CEP63: variants seen among roughly 807,000 people sequenced by gnomAD.
The protein encoded by CEP63 is centrosomal protein 63, also known as centrosomal protein of 63 kDa.
Under a neutral mutation model 89.1 loss-of-function variants are expected in CEP63, and 84 were observed. The observed-to-expected ratio is 0.94, with a 90% CI of 0.79 to 1.13. The LOEUF (loss-of-function observed/expected upper bound fraction) is 1.13. Ranked by LOEUF, CEP63 falls within the 50% of genes most tolerant of loss-of-function variation. CEP63 has a pLI of 0.00. For synonymous variants in CEP63, 267 were observed against 272.5 expected, an observed-to-expected ratio of 0.98 and a Z score of 0.20; for missense variants, 838 against 813.3, an observed-to-expected ratio of 1.03 and a Z score of -0.37.
the CEP63 span, among the ~76,000 whole-genome samples, chr3:134,648,345 T>C: frequency 6.6e-6 from 1 of 152,168 alleles, no homozygotes; most frequent in African/African-American, 2.4e-5. Context: ...CCTTCTTTTC[T>C]GCAGAGCCCC....
chr3:134,769,782 C>G, the CEP63 span, among the ~76,000 whole-genome samples: 103 of 152,310 alleles, frequency 6.8e-4, no homozygotes, highest in Non-Finnish European at 1.3e-3. Flanking sequence ...CATCTTACCT[C>G]TAAGCCCTAT....
chr3:134,572,080 C>T (rs555462936), intron 11 of CEP63, among the ~76,000 whole-genome samples: 1 of 152,230 alleles, frequency 6.6e-6, no homozygotes, highest in South Asian at 2.1e-4. Flanking sequence ...TAAATTGTAT[C>T]CTTGGATCCT....
At chr3:134,519,809 T>G (rs1049268168) in intron 3 of CEP63, among the ~76,000 whole-genome samples, 2 of 152,174 alleles carry the variant, frequency 1.3e-5, no homozygotes, top group Non-Finnish European at 2.9e-5. Context: ...ATTCATCATA[T>G]TATCAGAGGA....
chr3:134,581,981 A>AT (rs746956984), intron 10 of CEP63, among the ~76,000 whole-genome samples: 22 of 152,160 alleles, frequency 1.4e-4, no homozygotes, highest in African/African-American at 3.6e-4. Context: ...GGCCGAAAAC[A>AT]TTTTTTTAAA....
the CEP63 span, among the ~76,000 whole-genome samples, chr3:134,638,184 T>C: frequency 1.3e-5 from 2 of 152,260 alleles, no homozygotes; most frequent in Non-Finnish European, 2.9e-5. Flanking sequence ...GGGCCTGGGC[T>C]GGACACGCTG....
At chr3:134,588,024 G>C (rs115129618), downstream of CEP63, among the ~76,000 whole-genome samples, 854 of 152,240 alleles carry the variant, frequency 5.6e-3, 10 homozygotes, top group African/African-American at 0.02. Flanking sequence ...GCTGAGCATG[G>C]TGATGACGTC....
downstream of CEP63, among the ~76,000 whole-genome samples, chr3:134,575,203 C>CTCCCTCCCTCTT (rs1958172979): frequency 2.3e-5 from 1 of 43,132 alleles, no homozygotes; most frequent in Non-Finnish European, 4.1e-5. Flanking sequence ...CCCTCTTTCC[C>CTCCCTCCCTCTT]TCCCTCCCTC....
At chr3:134,657,023 A>T in the CEP63 span, among the ~76,000 whole-genome samples, 1 of 152,316 alleles carries the variant, frequency 6.6e-6, no homozygotes, top group South Asian at 2.1e-4. Context: ...AACATTTATT[A>T]TATATAGGTG....
At chr3:134,630,973 TA>T in the CEP63 span, among the ~76,000 whole-genome samples, 2 of 152,186 alleles carry the variant, frequency 1.3e-5, no homozygotes, top group African/African-American at 4.8e-5. Context: ...TCTCTGGATA[TA>T]CTCAATAGCA....
At chr3:134,523,649 C>CG (rs1438463880) in intron 3 of CEP63, among the ~76,000 whole-genome samples, 12 of 152,132 alleles carry the variant, frequency 7.9e-5, no homozygotes, top group African/African-American at 2.2e-4. Context: ...ATAGGGAGTC[C>CG]TTTCCTTATT....
chr3:134,488,351 C>T (rs1272936201), intron 1 of CEP63, among the ~76,000 whole-genome samples: 5 of 152,122 alleles, frequency 3.3e-5, no homozygotes, highest in African/African-American at 1.2e-4. Context: ...CGGTGACTCA[C>T]GCCTGTAATC....
chr3:134,568,431 C>G (rs573449622), downstream of CEP63, among the ~76,000 whole-genome samples: 2 of 152,352 alleles, frequency 1.3e-5, no homozygotes, highest in South Asian at 2.1e-4. Flanking sequence ...GGAGCATGCA[C>G]TGCAACCCTG....
At chr3:134,724,453 C>A in the CEP63 span, among the ~76,000 whole-genome samples, 1 of 152,142 alleles carries the variant, frequency 6.6e-6, no homozygotes, top group Admixed American at 6.5e-5. Context: ...AAATGGCTTC[C>A]AAAAATATTC....
At chr3:134,645,896 A>G in the CEP63 span, among the ~76,000 whole-genome samples, 2 of 152,250 alleles carry the variant, frequency 1.3e-5, no homozygotes, top group Non-Finnish European at 2.9e-5. Context: ...CTCCCAAATC[A>G]GAAACCCGGA....
intron 1 of CEP63, among the ~76,000 whole-genome samples, chr3:134,494,056 T>G (rs1262065165): frequency 2.6e-5 from 4 of 152,020 alleles, no homozygotes; most frequent in Admixed American, 2.0e-4. Context: ...TTTCTCACTG[T>G]CACCTTTCTT....
chr3:134,672,924 G>A, the CEP63 span, among the ~76,000 whole-genome samples: 4 of 152,308 alleles, frequency 2.6e-5, no homozygotes, highest in Non-Finnish European at 2.9e-5. Flanking sequence ...CCTGGCTTAC[G>A]TTGTTTCAAT....
At chr3:134,760,292 C>CA in the CEP63 span, among the ~76,000 whole-genome samples, 1 of 152,088 alleles carries the variant, frequency 6.6e-6, no homozygotes, top group African/African-American at 2.4e-5. Context: ...ATCTCCTGAC[C>CA]TCGTGATCCG....
At chr3:134,767,117 C>T in the CEP63 span, among the ~76,000 whole-genome samples, 1 of 152,294 alleles carries the variant, frequency 6.6e-6, no homozygotes, top group Admixed American at 6.5e-5. Flanking sequence ...ACCTGGTACC[C>T]TCTGGGCTGA....
chr3:134,607,169 C>CG, the CEP63 span: 1 of 985,450 alleles, frequency 1.0e-6, no homozygotes, highest in African/African-American at 1.7e-5. Flanking sequence ...ATACATTGAA[C>CG]AAGCCCTGCA....
Sources: allele counts gnomAD v4.1 joint callset (sites outside exome capture counted in the v4.1 genomes callset), GRCh38; gene constraint gnomAD v4.1.1; transcripts MANE v1.5; gene names NCBI Gene and HGNC (gene_info 2026-07-23, HGNC 2026-07-21).